Variants in ZNF704 observed in about 807,000 individuals in gnomAD.
ZNF704 encodes zinc finger protein 704.
A neutral mutation model predicts 44.7 loss-of-function variants in ZNF704; 10 were observed. The observed-to-expected ratio is 0.22, with a 90% CI of 0.14 to 0.38. ZNF704 has a LOEUF of 0.38. ZNF704 is among the 10% of genes least tolerant of loss of function. ZNF704 has a pLI of 1.00. For synonymous variants in ZNF704, 211 were observed against 207.6 expected (o/e 1.02, Z -0.14); for missense variants, 390 against 545.5 (o/e 0.71, Z 2.84).
At chr8:80,695,330 C>A (rs1818708655) in intron 2 of ZNF704, among the ~76,000 whole-genome samples, 1 of 152,238 alleles carries the variant, frequency 6.6e-6, no homozygotes, top group South Asian at 2.1e-4. Context: ...GAGCTGGCTG[C>A]TGCCCACATC....
intron 2 of ZNF704, among the ~76,000 whole-genome samples, chr8:80,702,131 T>C (rs1299359785): frequency 6.6e-6 from 1 of 152,016 alleles, no homozygotes; most frequent in Non-Finnish European, 1.5e-5. Flanking sequence ...CCAATGGAAG[T>C]AGCTTTAGAC....
rs1017340588 is a variant in ZNF704 at position 80,636,672 on chromosome 8, G to A, written c.*4694C>T. The A allele has an allele frequency of 6.6e-6, 1 of 152,222 alleles. No individual in the cohort carries two copies. The highest frequency in any genetic ancestry group is 1.5e-5 in the Non-Finnish European group (1 of 68,032). 9.4% of individuals were successfully genotyped at this position (152,222 alleles called of 1,614,324 possible). A position where few individuals can be genotyped will look rare whatever the true frequency, so the allele number is the denominator to read the frequency against. The stretch of plus-strand genomic sequence containing the variant: ...GAAATGAAATTTCCAGTTGACCCGT[G>A]TGCCCAGGGCATTCTCCAAAATGAT... On this transcript the variant is annotated 3_prime_UTR_variant, in exon 9 of 9. Coordinates refer to ENST00000327835, the MANE Select transcript of ZNF704 (RefSeq NM_001033723.3).
intron 2 of ZNF704, among the ~76,000 whole-genome samples, chr8:80,752,987 C>CT (rs1367455080): frequency 3.3e-5 from 5 of 152,166 alleles, no homozygotes; most frequent in Non-Finnish European, 7.3e-5. Flanking sequence ...GGCTGGTAGA[C>CT]AGTAGCCAGC....
At chr8:80,833,074 G>A (rs1392870182) in intron 1 of ZNF704, among the ~76,000 whole-genome samples, 4 of 152,190 alleles carry the variant, frequency 2.6e-5, no homozygotes, top group East Asian at 1.9e-4. Flanking sequence ...CTGGCCAGGC[G>A]CGGTGGCTCA....
intron 1 of ZNF704, among the ~76,000 whole-genome samples, chr8:80,848,766 C>A (rs1808809675): frequency 6.6e-6 from 1 of 151,042 alleles, no homozygotes; most frequent in African/African-American, 2.4e-5. Context: ...GAGTGAGACC[C>A]TGTCTCAAAA....
At chr8:80,685,104 GGAGT>G (rs1397892050) in intron 4 of ZNF704, among the ~76,000 whole-genome samples, 1 of 151,530 alleles carries the variant, frequency 6.6e-6, no homozygotes, top group East Asian at 1.9e-4. Context: ...AGCTTCTTCT[GGAGT>G]GGGCCTGTGC....
chr8:80,770,178 G>A (rs1393139712), intron 2 of ZNF704, among the ~76,000 whole-genome samples: 2 of 152,084 alleles, frequency 1.3e-5, no homozygotes, highest in Non-Finnish European at 2.9e-5. Flanking sequence ...ATTTCAGTGG[G>A]GACATAGCCA....
At chr8:80,760,454 G>C (rs549075260) in intron 2 of ZNF704, among the ~76,000 whole-genome samples, 1 of 151,882 alleles carries the variant, frequency 6.6e-6, no homozygotes, top group Admixed American at 6.6e-5. Flanking sequence ...TCAAGAGATC[G>C]AGACCATCCT....
intron 2 of ZNF704, among the ~76,000 whole-genome samples, chr8:80,698,281 G>A (rs1319436080): frequency 6.6e-6 from 1 of 152,192 alleles, no homozygotes; most frequent in Non-Finnish European, 1.5e-5. Flanking sequence ...TTGATTTGAT[G>A]AGGACCAACC....
At chr8:80,839,702 G>A (rs904920784) in intron 1 of ZNF704, among the ~76,000 whole-genome samples, 11 of 152,174 alleles carry the variant, frequency 7.2e-5, no homozygotes, top group African/African-American at 2.7e-4. Flanking sequence ...CTCAAAAGAA[G>A]AATTGCGTTA....
At chr8:80,756,031 CCT>C (rs1807028918) in intron 2 of ZNF704, among the ~76,000 whole-genome samples, 1 of 151,926 alleles carries the variant, frequency 6.6e-6, no homozygotes, top group African/African-American at 2.4e-5. Flanking sequence ...ATGGCTTTAG[CCT>C]GGGAGAGCAA....
intron 4 of ZNF704, among the ~76,000 whole-genome samples, chr8:80,674,084 CAA>C (rs1285842758): frequency 6.6e-6 from 1 of 152,190 alleles, no homozygotes; most frequent in East Asian, 1.9e-4. Flanking sequence ...TGCGGAGAAG[CAA>C]AGACACAATT....
intron 2 of ZNF704, among the ~76,000 whole-genome samples, chr8:80,729,959 G>C (rs1806550037): frequency 1.3e-5 from 2 of 152,120 alleles, no homozygotes; most frequent in Admixed American, 1.3e-4. Context: ...CTTCTCCCGT[G>C]TGCTTGCCAC....
At chr8:80,701,165 T>C (rs1380690834) in intron 2 of ZNF704, among the ~76,000 whole-genome samples, 1 of 141,334 alleles carries the variant, frequency 7.1e-6, no homozygotes, top group African/African-American at 3.2e-5. Context: ...TGCTCTTTAC[T>C]GTCCACCTCA....
rs1005276222 is a variant in ZNF704 at position 80,639,100 on chromosome 8, A to T, written c.*2266T>A. The T allele has an allele frequency of 2.6e-5, 4 of 152,236 alleles. No homozygotes were observed. Among genetic ancestry groups the T allele is most frequent in the Admixed American group, 2.6e-4 (4 of 15,278 alleles). The allele number at this position is 152,236 out of a possible 1,614,324, so 9.4% of individuals were successfully genotyped here. ...CCTCCTTGTGTTTCAAAGTTCTGGG[A>T]TGGGGGATGGATTTTATACTTCATG... On this transcript the variant is annotated 3_prime_UTR_variant, in exon 9 of 9. Coordinates refer to ENST00000327835, the MANE Select transcript of ZNF704 (RefSeq NM_001033723.3).
At chr8:80,806,533 T>G (rs1807993367) in intron 2 of ZNF704, among the ~76,000 whole-genome samples, 2 of 152,198 alleles carry the variant, frequency 1.3e-5, no homozygotes, top group Non-Finnish European at 2.9e-5. Flanking sequence ...ACTCAGAGTC[T>G]GGGAAATGAA....
intron 2 of ZNF704, among the ~76,000 whole-genome samples, chr8:80,721,149 C>T (rs1343637176): frequency 1.8e-4 from 28 of 152,226 alleles, no homozygotes; most frequent in Admixed American, 1.8e-3. Flanking sequence ...CCTATGCTCA[C>T]TGCTCTGCCT....
chr8:80,838,130 C>A (rs1808612237), intron 1 of ZNF704, among the ~76,000 whole-genome samples: 1 of 152,176 alleles, frequency 6.6e-6, no homozygotes, highest in African/African-American at 2.4e-5. Flanking sequence ...CAGGCACAAA[C>A]ACACAGCAAG....
Position 80,631,453 on chromosome 8 carries a change from T to G in ZNF704, c.*9913A>C, listed in dbSNP as rs573842371. The G allele has an allele frequency of 2.6e-5, 4 of 152,212 alleles. No individual in the cohort carries two copies. The highest frequency in any genetic ancestry group is 5.9e-5 in the Non-Finnish European group (4 of 68,054). The allele number at this position is 152,212 out of a possible 1,614,324, so 9.4% of individuals were successfully genotyped here. On this transcript the variant is annotated 3_prime_UTR_variant, in exon 9 of 9. Coordinates refer to ENST00000327835, the MANE Select transcript of ZNF704 (RefSeq NM_001033723.3). ...GCTGCAGGAGCCACTTCCTTTTCAC[T>G]TACTAAAGGCCAATTCTGCTTTCAT...
Sources: allele counts gnomAD v4.1 joint callset (sites outside exome capture counted in the v4.1 genomes callset), GRCh38; gene constraint gnomAD v4.1.1; transcripts MANE v1.5; gene names NCBI Gene and HGNC (gene_info 2026-07-23, HGNC 2026-07-21).